FARP2: variants seen among roughly 807,000 people sequenced by gnomAD.
FARP2 encodes the protein FERM, ARHGEF and pleckstrin domain-containing protein 2.
Under a neutral mutation model 130.5 loss-of-function variants are expected in FARP2, and 111 were observed. The ratio of observed to expected loss-of-function variants is 0.85; its 90% confidence interval spans 0.73 to 1.00. FARP2 has a LOEUF of 1.00. Among genes scored for constraint, FARP2 ranks in the 50% least tolerant of loss-of-function variants. The pLI is 0.00. For synonymous variants in FARP2, 504 were observed against 516.9 expected (o/e 0.98, Z 0.34); for missense variants, 1,385 against 1,346.3 (o/e 1.03, Z -0.45).
chr2:241,401,883 G>A (rs1024273476), intron 2 of FARP2, among the ~76,000 whole-genome samples: 1 of 151,648 alleles, frequency 6.6e-6, no homozygotes, highest in East Asian at 1.9e-4. Flanking sequence ...TCCGCCTCCC[G>A]GGTTCAAGCT....
intron 19 of FARP2, among the ~76,000 whole-genome samples, chr2:241,476,870 T>G (rs1296138468): frequency 6.6e-6 from 1 of 152,080 alleles, no homozygotes; most frequent in Non-Finnish European, 1.5e-5. Context: ...CAATTAACAG[T>G]CACTTCCCAT....
Position 241,494,168 on chromosome 2 carries a change from A to G in FARP2, c.*43A>G, listed in dbSNP as rs865953320. 9 of 1,238,444 alleles carry G rather than the reference A, an allele frequency of 7.3e-6. No individual in the cohort carries two copies. The Middle Eastern group carries it at 9.7e-4, about 133-fold the overall frequency. The allele number at this position is 1,238,444 out of a possible 1,614,324, so 76.7% of individuals were successfully genotyped here. Reference sequence around the variant, plus strand: ...TTTGGACACAACTACAAAGAACAGCAGGACACAGAGGTGACCTCTGTCCTG... The same window carrying G: ...TTTGGACACAACTACAAAGAACAGCGGGACACAGAGGTGACCTCTGTCCTG... On this transcript the variant is annotated 3_prime_UTR_variant, in exon 27 of 27. Transcript: ENST00000264042. This position sits in a 1 kb window ranked among gnomAD's most constrained non-coding sequence, Gnocchi z 4.9.
rs16843664 is a variant in FARP2, at chr2:241,431,083, A to T, written c.772-596A>T. Reference sequence around the variant, plus strand: ...AATATTTGAAACAATATGAGGAGAGATACAAGTCCCAGTGTATCTTCCTGG... The same window carrying T: ...AATATTTGAAACAATATGAGGAGAGTTACAAGTCCCAGTGTATCTTCCTGG... On this transcript the variant is annotated intron_variant, in intron 8 of 26. Transcript: ENST00000264042. Among the ~76,000 whole-genome samples, 1,076 of 152,234 alleles carry T rather than the reference A, an allele frequency of 7.1e-3. 32 individuals are homozygous for T. In the South Asian group the frequency reaches 0.074, roughly 10 times the overall value.
chr2:241,463,635 C>A, intron 16 of FARP2, 167 bp downstream of exon 16: 1 of 760,854 alleles, frequency 1.3e-6, no homozygotes, highest in Non-Finnish European at 2.1e-6. Flanking sequence ...ACCCTTTATT[C>A]ACCCTCTTCC....
At position 241,431,665 on chromosome 2, in the gene FARP2, C is replaced by G. The variant is rs748748238; in HGVS notation, c.772-14C>G. 7 of 1,378,118 alleles carry G rather than the reference C, an allele frequency of 5.1e-6. No individual in the cohort carries two copies. Among genetic ancestry groups the G allele is most frequent in the Non-Finnish European group, 6.2e-6 (6 of 972,058 alleles). The allele number at this position is 1,378,118 out of a possible 1,614,324, so 85.4% of individuals were successfully genotyped here. On this transcript the variant is annotated splice_polypyrimidine_tract_variant and intron_variant, in intron 8 of 26. Transcript: ENST00000264042. ...CCAGATACAAATGTAATCTGTCTGT[C>G]TCTTGCATTTCAGGGCACCACCAAA... is the stretch of plus-strand genomic sequence containing the variant.
intron 21 of FARP2, among the ~76,000 whole-genome samples, chr2:241,487,512 AC>A (rs2064779643): frequency 6.8e-6 from 1 of 146,614 alleles, no homozygotes; most frequent in Non-Finnish European, 1.5e-5. Flanking sequence ...TACTAAAAAT[AC>A]AAAAATTAGC....
In FARP2 at chr2:241,493,376, T is replaced by C. The variant is rs761161320; in HGVS notation, c.2979T>C (p.Tyr993=). ...PREADGIHKD[Y]VFKLQFKSHV... is the part of the protein sequence containing the mutation. ...AGGCCGATGGCATACACAAAGACTA[T>C]GTTTTCAAGCTCCAGTTCAAATCCC... The change falls in exon 26 of 27, where the codon TAT becomes TAC. Residue 993 remains tyrosine, a synonymous_variant. Transcript: ENST00000264042. 7 of 1,613,852 alleles carry C rather than the reference T, an allele frequency of 4.3e-6. No individual in the cohort carries two copies. In the African/African-American group the frequency reaches 8.0e-5, roughly 18 times the overall value.
At chr2:241,468,021 C>G in intron 17 of FARP2, 119 bp from the exon 18 acceptor site, 1 of 759,860 alleles carries the variant, frequency 1.3e-6, no homozygotes, top group South Asian at 1.5e-5. Flanking sequence ...CGCTGGGCCA[C>G]TGGTCCATTT....
chr2:241,441,253 G>C (rs1341365063), intron 12 of FARP2, 51 bp from the exon 13 acceptor site: 12 of 1,517,176 alleles, frequency 7.9e-6, no homozygotes, highest in Non-Finnish European at 1.1e-5. Context: ...ACTTCTAGTG[G>C]TAATTTGTAA....
chr2:241,407,949 C>T (rs2062406402), intron 5 of FARP2, among the ~76,000 whole-genome samples: 1 of 152,130 alleles, frequency 6.6e-6, no homozygotes, highest in Non-Finnish European at 1.5e-5. Context: ...ACTTATTTAT[C>T]AATAAAATAT....
intron 9 of FARP2, 72 bp downstream of exon 9, chr2:241,431,846 G>A (rs192081293): frequency 4.1e-6 from 2 of 483,304 alleles, no homozygotes; most frequent in East Asian, 5.6e-5. Context: ...TTGAGACGGA[G>A]TTTCGCTCTT....
chr2:241,413,070 C>T (rs2062564212), intron 6 of FARP2, among the ~76,000 whole-genome samples: 1 of 152,132 alleles, frequency 6.6e-6, no homozygotes, highest in South Asian at 2.1e-4. Flanking sequence ...GTTTGCCTCC[C>T]TGGAGTTACT....
intron 18 of FARP2, among the ~76,000 whole-genome samples, chr2:241,473,353 T>G (rs1296543134): frequency 6.6e-6 from 1 of 151,862 alleles, no homozygotes; most frequent in Non-Finnish European, 1.5e-5. Flanking sequence ...GACCCTGTTC[T>G]GTGGCAGATG....
At position 241,491,103 on chromosome 2, in the gene FARP2, C is replaced by A; in HGVS notation, c.2547C>A (p.Ser849=). The change falls in exon 23 of 27, where the codon TCC becomes TCA. Residue 849 remains serine, a synonymous_variant. Transcript: ENST00000264042. ...AGAAGTGGATGCTGGACCTGAACTC[C>A]GCGATCCAAGCAGCCAAGAGTGGCG... ...EKEKWMLDLN[S]AIQAAKSGGD... 1 of 1,613,508 alleles carries A rather than the reference C, an allele frequency of 6.2e-7. No homozygotes were observed. Among genetic ancestry groups the A allele is most frequent in the Non-Finnish European group, 8.5e-7 (1 of 1,179,974 alleles).
intron 1 of FARP2, among the ~76,000 whole-genome samples, chr2:241,370,704 A>G (rs2061406181): frequency 6.6e-6 from 1 of 152,212 alleles, no homozygotes; most frequent in African/African-American, 2.4e-5. Context: ...AAAAACGGTA[A>G]TTTTGTTAAA....
In FARP2 at chr2:241,456,931, C is replaced by G. The variant is rs1231650165; in HGVS notation, c.1587+9C>G. On this transcript the variant is annotated intron_variant, in intron 14 of 26. Transcript: ENST00000264042. ...AGGAGCCCAGACACAAGGTGGGCCC[C>G]TCGAGGCTGAGAAGCTAGCAGAGGG... 1.3e-6 allele frequency: 2 copies of G among 1,577,700 alleles called. No individual in the cohort carries two copies. Among genetic ancestry groups the G allele is most frequent in the Non-Finnish European group, 1.7e-6 (2 of 1,161,910 alleles).
intron 14 of FARP2, 86 bp downstream of exon 14, chr2:241,457,008 C>T: frequency 7.8e-7 from 1 of 1,287,016 alleles, no homozygotes. Flanking sequence ...TGGTGGGGAC[C>T]CTGGGGCGGG....
intron 8 of FARP2, among the ~76,000 whole-genome samples, chr2:241,422,475 C>T (rs1334094240): frequency 1.3e-5 from 2 of 151,694 alleles, no homozygotes; most frequent in African/African-American, 2.4e-5. Context: ...GGTCAGCAAC[C>T]TCAAAGATCA....
intron 19 of FARP2, chr2:241,478,682 A>C (rs993531368): frequency 4.1e-6 from 2 of 482,628 alleles, no homozygotes; most frequent in African/African-American, 2.0e-5. Context: ...TTACAGTATC[A>C]CTTCATTAAT....
Sources: allele counts gnomAD v4.1 joint callset (sites outside exome capture counted in the v4.1 genomes callset), GRCh38; gene constraint gnomAD v4.1.1; non-coding constraint Gnocchi (gnomAD v3.1); transcripts MANE v1.5; gene names NCBI Gene and HGNC (gene_info 2026-07-23, HGNC 2026-07-21).